The following INPP5A variants were observed in gnomAD, a reference collection of about 807,000 sequenced individuals.
INPP5A encodes inositol polyphosphate-5-phosphatase A.
Under a neutral mutation model 65.2 loss-of-function variants are expected in INPP5A, and 14 were observed. That is an observed-to-expected ratio of 0.21 (90% confidence interval 0.14 to 0.34). INPP5A has a LOEUF of 0.34. Ranked by LOEUF, INPP5A falls within the 10% of genes least tolerant of loss-of-function variation. INPP5A has a pLI of 1.00. For missense variants in INPP5A, 431 were observed against 545.6 expected, an observed-to-expected ratio of 0.79 and a Z score of 2.09; for synonymous variants, 207 against 208.3, an observed-to-expected ratio of 0.99 and a Z score of 0.05.
At chr10:132,713,924 C>T (rs1032760467) in intron 8 of INPP5A, among the ~76,000 whole-genome samples, 1 of 152,176 alleles carries the variant, frequency 6.6e-6, no homozygotes, top group African/African-American at 2.4e-5. Context: ...GTGCCCTGGG[C>T]GCCCTCCCTG....
At chr10:132,590,550 G>A (rs201464734) in intron 1 of INPP5A, among the ~76,000 whole-genome samples, 80 of 152,246 alleles carry the variant, frequency 5.3e-4, no homozygotes, top group African/African-American at 1.8e-3. Flanking sequence ...GCCTGCGTTC[G>A]AGGATGTTCC....
At chr10:132,772,461 C>T (rs1846971440) in intron 12 of INPP5A, among the ~76,000 whole-genome samples, 1 of 133,188 alleles carries the variant, frequency 7.5e-6, no homozygotes, top group Non-Finnish European at 1.6e-5. Flanking sequence ...CGGCAGCCAC[C>T]CCATGAAGAG....
chr10:132,733,743 G>C (rs1846127469), intron 9 of INPP5A, among the ~76,000 whole-genome samples: 1 of 152,076 alleles, frequency 6.6e-6, no homozygotes, highest in African/African-American at 2.4e-5. Flanking sequence ...TGTGAACGGG[G>C]TGATATTGGC....
intron 11 of INPP5A, among the ~76,000 whole-genome samples, chr10:132,765,252 G>A (rs78536832): frequency 2.1e-4 from 32 of 152,310 alleles, no homozygotes; most frequent in South Asian, 4.1e-4. Context: ...AGGGGGCAAG[G>A]CCATTTGCTG....
At chr10:132,691,847 C>CGGTCGCGGGAGACGTGT (rs1216666144) in intron 5 of INPP5A, among the ~76,000 whole-genome samples, 23 of 144,710 alleles carry the variant, frequency 1.6e-4, no homozygotes, top group South Asian at 4.4e-4. Flanking sequence ...GGGAGACGTG[C>CGGTCGCGGGAGACGTGT]GGTCGCGGGA....
At position 132,634,489 on chromosome 10, in the gene INPP5A, A is replaced by G. The variant is rs550890058; in HGVS notation, c.118-11379A>G. On this transcript the variant is annotated intron_variant, in intron 2 of 15. Coordinates refer to ENST00000368594, the MANE Select transcript of INPP5A (RefSeq NM_005539.5). Reference sequence around the variant, plus strand: ...ATGCATTCTGTGTTCTGCAGGTGTCAGATGTGGTTTTCTGTCGTGCCAAGT... The same window carrying G: ...ATGCATTCTGTGTTCTGCAGGTGTCGGATGTGGTTTTCTGTCGTGCCAAGT... 2.4e-4 allele frequency among the ~76,000 whole-genome samples: 36 copies of G among 152,354 alleles called. 1 individual carries two copies. In the South Asian group the frequency reaches 5.0e-3, roughly 21 times the overall value.
At chr10:132,592,305 C>G (rs146812367) in intron 1 of INPP5A, among the ~76,000 whole-genome samples, 149 of 152,342 alleles carry the variant, frequency 9.8e-4, no homozygotes, top group African/African-American at 3.4e-3. Flanking sequence ...TACAGTTTAA[C>G]AATCCATTGT....
At chr10:132,582,589 A>T (rs1458428696) in intron 1 of INPP5A, among the ~76,000 whole-genome samples, 1 of 151,952 alleles carries the variant, frequency 6.6e-6, no homozygotes, top group Admixed American at 6.6e-5. Flanking sequence ...AGCTACTTTT[A>T]AAAATAATTT....
chr10:132,649,382 C>T (rs558332452), intron 3 of INPP5A, among the ~76,000 whole-genome samples: 21 of 152,300 alleles, frequency 1.4e-4, no homozygotes, highest in African/African-American at 4.1e-4. Context: ...CGTAGGATGA[C>T]GGGACACATT....
At chr10:132,602,683 C>T (rs145400726) in intron 1 of INPP5A, among the ~76,000 whole-genome samples, 150 of 152,296 alleles carry the variant, frequency 9.8e-4, no homozygotes, top group African/African-American at 3.4e-3. Context: ...TTACTTCTTC[C>T]GTTCCCATTC....
At chr10:132,780,553 G>A (rs1214686066) in intron 13 of INPP5A, among the ~76,000 whole-genome samples, 13 of 152,358 alleles carry the variant, frequency 8.5e-5, no homozygotes, top group Middle Eastern at 3.4e-3. Flanking sequence ...CTTGGGAGCC[G>A]GGCCAGCACC....
At chr10:132,558,404 C>T (rs1422753761) in intron 1 of INPP5A, among the ~76,000 whole-genome samples, 1 of 152,224 alleles carries the variant, frequency 6.6e-6, no homozygotes, top group African/African-American at 2.4e-5. Flanking sequence ...CCTCCTCAGG[C>T]CCTGACAGCT....
At chr10:132,763,754 AACAC>A (rs896524387) in intron 11 of INPP5A, among the ~76,000 whole-genome samples, 2 of 147,464 alleles carry the variant, frequency 1.4e-5, no homozygotes, top group African/African-American at 5.1e-5. Flanking sequence ...CCTGCATACA[AACAC>A]ACATGCCGTT....
chr10:132,601,068 A>C (rs1270494539), intron 1 of INPP5A, among the ~76,000 whole-genome samples: 1 of 152,230 alleles, frequency 6.6e-6, no homozygotes, highest in Non-Finnish European at 1.5e-5. Context: ...ATTTTTCTTC[A>C]TAGCGATGGC....
intron 5 of INPP5A, among the ~76,000 whole-genome samples, chr10:132,692,084 C>T (rs1199442676): frequency 6.6e-6 from 1 of 152,030 alleles, no homozygotes; most frequent in Admixed American, 6.6e-5. Context: ...GAGGGTCAGG[C>T]TCGGGGGTCA....
At chr10:132,561,052 CT>C (rs758540879) in intron 1 of INPP5A, among the ~76,000 whole-genome samples, 12,513 of 126,886 alleles carry the variant, frequency 0.099, 414 homozygotes, top group African/African-American at 0.11. Flanking sequence ...GTTTGAAGCA[CT>C]TTTTTTTTTT....
intron 6 of INPP5A, among the ~76,000 whole-genome samples, 195 bp from the exon 7 acceptor site, chr10:132,708,118 A>G (rs1845567833): frequency 6.6e-6 from 1 of 152,142 alleles, no homozygotes; most frequent in African/African-American, 2.4e-5. Flanking sequence ...CAGCCCCTGC[A>G]GGCATCTCTG....
chr10:132,593,922 T>C (rs1465315747), intron 1 of INPP5A, among the ~76,000 whole-genome samples: 1 of 152,220 alleles, frequency 6.6e-6, no homozygotes, highest in Non-Finnish European at 1.5e-5. Flanking sequence ...AGATAATCAT[T>C]AGACTTTTTT....
intron 8 of INPP5A, among the ~76,000 whole-genome samples, chr10:132,722,500 C>T (rs1273124340): frequency 5.9e-5 from 9 of 152,252 alleles, no homozygotes; most frequent in Admixed American, 4.6e-4. Context: ...GGGCCTCCCA[C>T]GGTGTCCCAG....
Sources: allele counts gnomAD v4.1 joint callset (sites outside exome capture counted in the v4.1 genomes callset), GRCh38; gene constraint gnomAD v4.1.1; transcripts MANE v1.5; gene names NCBI Gene and HGNC (gene_info 2026-07-23, HGNC 2026-07-21).